ZNF718: variants seen among roughly 807,000 people sequenced by gnomAD.
ZNF718 encodes zinc finger protein 718.
A neutral mutation model predicts 2.6 loss-of-function variants in ZNF718; 3 were observed. The ratio of observed to expected loss-of-function variants is 1.16; its 90% CI spans 0.53 to 3.01. ZNF718 has a LOEUF of 3.01. Among genes scored for constraint, ZNF718 ranks in the 30% most tolerant of loss-of-function variants. The probability of loss-of-function intolerance (pLI) is 0.03; values close to 1 mark genes in which losing one functional copy is unlikely to be tolerated. For synonymous variants in ZNF718, 135 were observed against 77.9 expected (o/e 1.73, Z -3.86); for missense variants, 468 against 230.0 (o/e 2.03, Z -6.69).
chr4:143,662 C>G (rs1352492114), intron 3 of ZNF718, among the ~76,000 whole-genome samples: 2 of 152,124 alleles, frequency 1.3e-5, no homozygotes, highest in Non-Finnish European at 1.5e-5. Context: ...AACAAACATT[C>G]TTAACAGCAT....
At chr4:125,074 C>G (rs1715139375) in intron 1 of ZNF718, 1 of 165,420 alleles carries the variant, frequency 6.0e-6, no homozygotes, top group Admixed American at 5.9e-5. Context: ...AATGGGAAAG[C>G]TCTGCCGTGG....
At chr4:180,589 T>C (rs1717444696) in intron 3 of ZNF718, among the ~76,000 whole-genome samples, 1 of 152,218 alleles carries the variant, frequency 6.6e-6, no homozygotes, top group South Asian at 2.1e-4. Context: ...TATTCATTCA[T>C]TTACCAAGAA....
chr4:159,040 CTT>C (rs201288037), intron 3 of ZNF718, among the ~76,000 whole-genome samples: 19 of 136,354 alleles, frequency 1.4e-4, no homozygotes, highest in East Asian at 2.1e-4. Flanking sequence ...TTTCTTTTTT[CTT>C]TTTTTTTTTT....
chr4:183,348 C>T lies in ZNF718; in HGVS notation c.227-17733C>T, dbSNP rs115635394. 5.1e-3 allele frequency among the ~76,000 whole-genome samples: 781 copies of T among 152,218 alleles called. 3 individuals are homozygous for T. Among genetic ancestry groups the T allele is most frequent in the Non-Finnish European group, 7.7e-3 (522 of 68,008 alleles). On this transcript the variant is annotated intron_variant and NMD_transcript_variant, in intron 3 of 4. Coordinates refer to the ZNF718 transcript ENST00000642529. Reference sequence around the variant, plus strand: ...TATTTATGGGTTCTCTATTCTGTTCCATTGGTCTATCTGTCCGTTCTTGTA... The same window carrying T: ...TATTTATGGGTTCTCTATTCTGTTCTATTGGTCTATCTGTCCGTTCTTGTA...
rs868955469 is a variant in ZNF718, at chr4:124,530, C to A, written c.-141C>A. ...TTTGCTTGTAGCTCCAGCCAGAGCTCGGTTAGGGCCTCATCGCTCTGCTCC... is the reference window on the plus strand; with the variant it reads ...TTTGCTTGTAGCTCCAGCCAGAGCTAGGTTAGGGCCTCATCGCTCTGCTCC... On this transcript the variant is annotated 5_prime_UTR_variant, in exon 1 of 4. Coordinates refer to ENST00000510175, the MANE Select transcript of ZNF718 (RefSeq NM_001039127.6). 1 of 1,197,294 alleles carries A rather than the reference C, an allele frequency of 8.4e-7. No individual in the cohort carries two copies. The highest frequency in any genetic ancestry group is 1.9e-4 in the Middle Eastern group (1 of 5,178). The allele number at this position is 1,197,294 out of a possible 1,614,324, so 74.2% of individuals were successfully genotyped here.
At chr4:153,502 G>A (rs921826962) in intron 3 of ZNF718, among the ~76,000 whole-genome samples, 3 of 151,948 alleles carry the variant, frequency 2.0e-5, no homozygotes, top group Admixed American at 6.6e-5. Context: ...GATCACCTTG[G>A]GTAGTATAGC....
At chr4:168,637 C>A (rs145035138), downstream of ZNF718, among the ~76,000 whole-genome samples, 1 of 151,920 alleles carries the variant, frequency 6.6e-6, no homozygotes, top group Non-Finnish European at 1.5e-5. Flanking sequence ...AGTTTATTTG[C>A]GTAGAGTTGT....
At position 162,033 on chromosome 4, in the gene ZNF718, C is replaced by G; in HGVS notation, c.1348C>G (p.Pro450Ala). 1.3e-6 allele frequency: 1 copy of G among 777,784 alleles called. No homozygotes were observed. Among genetic ancestry groups the G allele is most frequent in the Non-Finnish European group, 2.4e-6 (1 of 416,336 alleles). 48.2% of individuals were successfully genotyped at this position (777,784 alleles called of 1,614,324 possible). The change falls in exon 4 of 4, where the codon CCC (proline) becomes GCC (alanine). Residue 450 changes from proline (P) to alanine (A), a missense_variant. Coordinates refer to ENST00000510175, the MANE Select transcript of ZNF718 (RefSeq NM_001039127.6). Reference sequence around the variant, plus strand: ...TAAGAAAATTCACACTGTAGATAAACCCTACAAATGTAAAGAATGCGGGAA... The same window carrying G: ...TAAGAAAATTCACACTGTAGATAAAGCCTACAAATGTAAAGAATGCGGGAA... ...KHKKIHTVDK[P>A]YKCKECGKAF...
chr4:135,929 G>T (rs990741104), intron 3 of ZNF718, among the ~76,000 whole-genome samples: 2 of 151,850 alleles, frequency 1.3e-5, no homozygotes, highest in Non-Finnish European at 2.9e-5. Flanking sequence ...AAGCAGCCCT[G>T]TGTCTGTACG....
At chr4:145,958 T>C (rs1553811196) in intron 3 of ZNF718, among the ~76,000 whole-genome samples, 1 of 152,102 alleles carries the variant, frequency 6.6e-6, no homozygotes, top group African/African-American at 2.4e-5. Context: ...CCTTTACTTT[T>C]TTTTAATATT....
At position 161,992 on chromosome 4, in the gene ZNF718, C is replaced by T. The variant is rs1426351481; in HGVS notation, c.1307C>T (p.Ser436Leu). The change falls in exon 4 of 4, where the codon TCA becomes TTA. Residue 436 changes from serine (S) to leucine (L), a missense_variant. Physicochemically the swap from Ser to Leu is moderately radical, Grantham distance 145. Transcript: ENST00000510175. ...KQCGKAFKQS[S>L]HLNKHKKIHT... ...TGTGGCAAAGCCTTTAAACAGTCCTCACACTTGAATAAACATAAGAAAATT... is the reference window on the plus strand; with the variant it reads ...TGTGGCAAAGCCTTTAAACAGTCCTTACACTTGAATAAACATAAGAAAATT... The T allele has an allele frequency of 2.6e-6, 2 of 779,504 alleles. No homozygotes were observed. Among genetic ancestry groups the T allele is most frequent in the Non-Finnish European group, 4.8e-6 (2 of 417,314 alleles). 48.3% of individuals were successfully genotyped at this position (779,504 alleles called of 1,614,324 possible).
intron 3 of ZNF718, among the ~76,000 whole-genome samples, chr4:133,191 AAAAAATAT>A (rs1344296633): frequency 9.1e-5 from 2 of 21,872 alleles, no homozygotes; most frequent in Non-Finnish European, 1.8e-4. Flanking sequence ...AAAAAAAAAA[AAAAAATAT>A]ATATATATAT....
At chr4:196,092 A>C (rs1717787261) in intron 3 of ZNF718, among the ~76,000 whole-genome samples, 1 of 149,936 alleles carries the variant, frequency 6.7e-6, no homozygotes, top group South Asian at 2.1e-4. Context: ...CTTCAACCTG[A>C]TCTATTATTT....
chr4:163,223 T>C lies in ZNF718; in HGVS notation c.*1101T>C, dbSNP rs1353397883. ...TTTTTTGAGACGGAGTCTCGCTCTG[T>C]CGCCCAGGCTGGAGTGCAGTGGCGG... On this transcript the variant is annotated 3_prime_UTR_variant, in exon 4 of 4. Coordinates refer to ENST00000510175, the MANE Select transcript of ZNF718 (RefSeq NM_001039127.6). The C allele has an allele frequency of 3.9e-5, 6 of 151,910 alleles. No individual in the cohort carries two copies. Among genetic ancestry groups the C allele is most frequent in the African/African-American group, 1.5e-4 (6 of 41,350 alleles). The allele number at this position is 151,910 out of a possible 1,614,324, so 9.4% of individuals were successfully genotyped here.
intron 3 of ZNF718, among the ~76,000 whole-genome samples, chr4:158,881 C>T (rs1581457058): frequency 9.0e-6 from 1 of 111,082 alleles, no homozygotes; most frequent in Non-Finnish European, 1.8e-5. Flanking sequence ...GTGAAAGATA[C>T]TTTCTTTAGC....
chr4:149,221 G>A (rs1318420477), intron 3 of ZNF718, among the ~76,000 whole-genome samples: 34 of 152,162 alleles, frequency 2.2e-4, no homozygotes, highest in Admixed American at 2.2e-3. Flanking sequence ...TTTACACATT[G>A]TGTAATAAGT....
chr4:133,196 ATATATAT>A lies in ZNF718; in HGVS notation c.226+1692_226+1698del, dbSNP rs1277543124. On this transcript the variant is annotated intron_variant, in intron 3 of 3. Coordinates refer to ENST00000510175, the MANE Select transcript of ZNF718 (RefSeq NM_001039127.6). ...CCATCTTAAAAAAAAAAAAAAAAAAATATATATATATATATATATATATATATATATA... is the reference window on the plus strand; with the variant it reads ...CCATCTTAAAAAAAAAAAAAAAAAAAATATATATATATATATATATATATA... Among the ~76,000 whole-genome samples, 37 of 16,504 alleles carry A rather than the reference ATATATAT, an allele frequency of 2.2e-3. 4 individuals carry two copies. The highest frequency in any genetic ancestry group is 0.011 in the African/African-American group (32 of 3,026). The allele number at this position is 16,504 out of a possible 152,430, so 10.8% of individuals were successfully genotyped here. A position where few individuals can be genotyped will look rare whatever the true frequency, so the allele number is the denominator to read the frequency against.
intron 3 of ZNF718, among the ~76,000 whole-genome samples, chr4:180,377 AG>A (rs1436583274): frequency 1.3e-5 from 2 of 152,238 alleles, no homozygotes; most frequent in African/African-American, 4.8e-5. Flanking sequence ...AGTCTAGAAA[AG>A]AATCCTTTAT....
intron 3 of ZNF718, among the ~76,000 whole-genome samples, chr4:139,300 A>T (rs372884059): frequency 2.4e-4 from 36 of 152,086 alleles, no homozygotes; most frequent in African/African-American, 8.0e-4. Flanking sequence ...TTTTTTTTAG[A>T]TGGCAAGAGA....
Sources: gnomAD v4.1 joint callset for allele counts (sites outside exome capture counted in the v4.1 genomes callset) on GRCh38, gnomAD v4.1.1 for gene constraint, MANE v1.5 for transcripts, NCBI Gene and HGNC (gene_info 2026-07-23, HGNC 2026-07-21) for gene names.